Variants in ZNF536 observed in about 807,000 individuals in gnomAD.
ZNF536 encodes zinc finger protein 536.
Under a neutral mutation model 84.5 loss-of-function variants are expected in ZNF536, and 13 were observed. The observed-to-expected ratio is 0.15, with a 90% CI of 0.10 to 0.24. ZNF536 has a LOEUF of 0.24. Ranked by LOEUF, ZNF536 falls within the 10% of genes least tolerant of loss-of-function variation. The probability of loss-of-function intolerance (pLI) is 1.00; values close to 1 mark genes in which losing one functional copy is unlikely to be tolerated. For synonymous variants in ZNF536, 811 were observed against 742.5 expected (o/e 1.09, Z -1.50); for missense variants, 1,536 against 1,747.5 (o/e 0.88, Z 2.16).
chr19:30,656,176 A>G (rs2049905372), intron 1 of ZNF536, among the ~76,000 whole-genome samples: 1 of 152,168 alleles, frequency 6.6e-6, no homozygotes, highest in Non-Finnish European at 1.5e-5. Flanking sequence ...GTTCCTCTCC[A>G]GTGCTGTCCT....
intron 2 of ZNF536, among the ~76,000 whole-genome samples, chr19:30,472,395 G>T (rs1803894534): frequency 6.6e-6 from 1 of 152,174 alleles, no homozygotes; most frequent in Non-Finnish European, 1.5e-5. Context: ...ACGATGCCCG[G>T]TATCTCACTG....
chr19:30,492,830 T>C (rs12973685), intron 2 of ZNF536, among the ~76,000 whole-genome samples: 1 of 152,204 alleles, frequency 6.6e-6, no homozygotes, highest in African/African-American at 2.4e-5. Flanking sequence ...GTTTTGCTTC[T>C]GACTAGCCAG....
Position 30,486,080 on chromosome 19 carries a change from C to CT in ZNF536, c.2170+40357dup, listed in dbSNP as rs886847579. On this transcript the variant is annotated intron_variant, in intron 2 of 4. Coordinates refer to ENST00000355537, the MANE Select transcript of ZNF536 (RefSeq NM_014717.3). The stretch of plus-strand genomic sequence containing the variant: ...TGCCAGTGACACATGTATTTTCTTT[C>CT]TTTTTTTTTCTTTTTAAAATTTATT... Among the ~76,000 whole-genome samples the CT allele has an allele frequency of 2.5e-3, 374 of 151,504 alleles. 2 individuals are homozygous for CT. Among genetic ancestry groups the CT allele is most frequent in the Non-Finnish European group, 3.8e-3 (255 of 67,828 alleles).
intron 1 of ZNF536, among the ~76,000 whole-genome samples, chr19:30,643,975 T>G (rs1187038503): frequency 6.6e-6 from 1 of 152,240 alleles, no homozygotes; most frequent in African/African-American, 2.4e-5. Context: ...AAACATTTTT[T>G]GTTATTGATT....
At chr19:30,338,284 C>G (rs111067321) in intron 2 of ZNF536, among the ~76,000 whole-genome samples, 46,745 of 150,482 alleles carry the variant, frequency 0.31, 7,226 homozygotes, top group Middle Eastern at 0.42. Context: ...ATGGTGATGA[C>G]AATGATAATA....
chr19:30,279,272 C>T (rs556031320), intron 1 of ZNF536, among the ~76,000 whole-genome samples: 1 of 152,324 alleles, frequency 6.6e-6, no homozygotes, highest in South Asian at 2.1e-4. Context: ...GTCTCGGAAA[C>T]ATGAGCTCCA....
intron 2 of ZNF536, among the ~76,000 whole-genome samples, chr19:30,466,040 G>A (rs556692822): frequency 1.1e-4 from 16 of 152,146 alleles, no homozygotes; most frequent in South Asian, 6.2e-4. Flanking sequence ...ATGAGCCACC[G>A]TGCCTGGCAA....
chr19:30,546,883 T>C (rs1157774517), intron 3 of ZNF536, among the ~76,000 whole-genome samples: 1 of 152,188 alleles, frequency 6.6e-6, no homozygotes, highest in East Asian at 1.9e-4. Flanking sequence ...AAATCTGCAG[T>C]CGTTTACCTT....
intron 3 of ZNF536, among the ~76,000 whole-genome samples, chr19:30,356,771 C>T (rs2048108761): frequency 6.6e-6 from 1 of 152,234 alleles, no homozygotes; most frequent in South Asian, 2.1e-4. Context: ...TTGATATCAT[C>T]TCAATTAATC....
At chr19:30,543,060 C>T (rs887932673) in intron 3 of ZNF536, among the ~76,000 whole-genome samples, 3 of 152,184 alleles carry the variant, frequency 2.0e-5, no homozygotes, top group Non-Finnish European at 4.4e-5. Context: ...GATCTTCCTG[C>T]CTGGCCTCCC....
chr19:30,608,591 T>C (rs1420898099), intron 1 of ZNF536, among the ~76,000 whole-genome samples: 1 of 152,128 alleles, frequency 6.6e-6, no homozygotes, highest in Non-Finnish European at 1.5e-5. Context: ...ATGAGCCATA[T>C]TGGTTGATGG....
intron 1 of ZNF536, among the ~76,000 whole-genome samples, chr19:30,591,539 C>T (rs2047279864): frequency 6.6e-6 from 1 of 152,104 alleles, no homozygotes; most frequent in African/African-American, 2.4e-5. Flanking sequence ...GAAATTGCCC[C>T]CACGATTCAA....
intron 2 of ZNF536, among the ~76,000 whole-genome samples, chr19:30,447,966 C>T (rs2052431856): frequency 6.6e-6 from 1 of 152,196 alleles, no homozygotes; most frequent in Non-Finnish European, 1.5e-5. Context: ...AAGTGATAGC[C>T]TCATGCTATT....
At chr19:30,475,598 CA>C (rs1568467880) in intron 2 of ZNF536, among the ~76,000 whole-genome samples, 1 of 152,208 alleles carries the variant, frequency 6.6e-6, no homozygotes, top group Non-Finnish European at 1.5e-5. Flanking sequence ...CCACAGTAGG[CA>C]TCTTGTCTGT....
intron 1 of ZNF536, among the ~76,000 whole-genome samples, chr19:30,236,877 G>C (rs530043806): frequency 2.0e-5 from 3 of 152,160 alleles, no homozygotes; most frequent in Non-Finnish European, 4.4e-5. Context: ...GGCGATGGCT[G>C]TCTGGTGAGG....
At chr19:30,641,497 G>A (rs892431018) in intron 1 of ZNF536, among the ~76,000 whole-genome samples, 6 of 152,070 alleles carry the variant, frequency 3.9e-5, no homozygotes, top group African/African-American at 1.4e-4. Flanking sequence ...TAAACGTATG[G>A]CTACACTAAA....
rs367808696 is a variant in ZNF536 at position 30,240,299 on chromosome 19, G to A, written c.-190+11626G>A. Among the ~76,000 whole-genome samples, 200 of 152,214 alleles carry A rather than the reference G, an allele frequency of 1.3e-3. 1 individual carries two copies. The highest frequency in any genetic ancestry group is 4.6e-3 in the African/African-American group (193 of 41,540). ...GGGGCAGGAGAATTGCTCAAACCCG[G>A]GAGGCAGAGGTTGCAGTGAGCCAAG... is the stretch of plus-strand genomic sequence containing the variant. On this transcript the variant is annotated intron_variant, in intron 1 of 5. Transcript: ENST00000585628.
At chr19:30,616,787 A>G (rs1309597257) in intron 1 of ZNF536, among the ~76,000 whole-genome samples, 1 of 152,122 alleles carries the variant, frequency 6.6e-6, no homozygotes, top group Non-Finnish European at 1.5e-5. Context: ...GGCCTGGTGC[A>G]TTTTTGAGGC....
Position 30,288,163 on chromosome 19 carries a change from G to A in ZNF536, c.-120+4022G>A, listed in dbSNP as rs968000173. Among the ~76,000 whole-genome samples the A allele has an allele frequency of 7.2e-5, 11 of 152,234 alleles. 1 individual carries two copies. The highest frequency in any genetic ancestry group is 4.1e-4 in the South Asian group (2 of 4,834). On this transcript the variant is annotated intron_variant, in intron 2 of 5. Transcript: ENST00000585628. ...CTGGGACTGAAGGCGTGGAGGTCAC[G>A]TAGGCGAAGATGATCTCTTTCAAAG... is the stretch of plus-strand genomic sequence containing the variant.
Sources: allele counts gnomAD v4.1 joint callset (sites outside exome capture counted in the v4.1 genomes callset), GRCh38; gene constraint gnomAD v4.1.1; transcripts MANE v1.5; gene names NCBI Gene and HGNC (gene_info 2026-07-23, HGNC 2026-07-21).